The following ARHGAP6 variants were observed in gnomAD, a reference collection of about 807,000 sequenced individuals.
ARHGAP6 encodes Rho GTPase activating protein 6, also known as rho GTPase-activating protein 6.
ARHGAP6 carries 16 observed loss-of-function variants against 55.7 expected under a neutral mutation model. The observed-to-expected ratio is 0.29, with a 90% CI of 0.19 to 0.44. The LOEUF (loss-of-function observed/expected upper bound fraction) is 0.44, where lower values mean the gene tolerates loss of function less well. Ranked by LOEUF, ARHGAP6 falls within the 20% of genes least tolerant of loss-of-function variation. The pLI is 1.00. For missense variants in ARHGAP6, 698 were observed against 808.9 expected (o/e 0.86, Z 1.66); for synonymous variants, 382 against 360.9 (o/e 1.06, Z -0.66).
intron 7 of ARHGAP6, 36 bp downstream of exon 7, chrX:11,179,266 C>A: frequency 2.6e-6 from 3 of 1,148,040 alleles, no homozygotes; most frequent in Non-Finnish European, 3.5e-6. Context: ...CTTAGTATTC[C>A]AGGGCCACTT....
intron 1 of ARHGAP6, among the ~76,000 whole-genome samples, chrX:11,588,336 C>A (rs758180990): frequency 8.9e-6 from 1 of 112,287 alleles, no homozygotes; most frequent in Non-Finnish European, 1.9e-5. Flanking sequence ...GAGGGTGTGG[C>A]AGCTTTGCAA....
chrX:11,314,707 T>G (rs2048336908), intron 1 of ARHGAP6, among the ~76,000 whole-genome samples: 1 of 111,848 alleles, frequency 8.9e-6, no homozygotes, highest in African/African-American at 3.3e-5. Flanking sequence ...ATACTGCATG[T>G]TCTCACTTAT....
chrX:11,591,734 T>C (rs2051837570), intron 1 of ARHGAP6, among the ~76,000 whole-genome samples: 2 of 112,050 alleles, frequency 1.8e-5, no homozygotes, highest in Non-Finnish European at 3.8e-5. Flanking sequence ...ATGGACATGA[T>C]GGGTCTTCTT....
intron 1 of ARHGAP6, among the ~76,000 whole-genome samples, chrX:11,555,680 G>C (rs2051313657): frequency 1.8e-5 from 2 of 111,017 alleles, no homozygotes; most frequent in African/African-American, 6.6e-5. Flanking sequence ...CTGGGAGGTG[G>C]AGGTTGCAGT....
chrX:11,348,752 C>T (rs759664090), intron 1 of ARHGAP6, among the ~76,000 whole-genome samples: 2 of 111,298 alleles, frequency 1.8e-5, no homozygotes, highest in Non-Finnish European at 3.8e-5. Context: ...TAGGCTTAAG[C>T]GATTCTCCCG....
chrX:11,188,882 G>A lies in ARHGAP6; in HGVS notation c.923C>T (p.Ala308Val), dbSNP rs755574002. 3 of 1,211,426 alleles carry A rather than the reference G, an allele frequency of 2.5e-6. No individual in the cohort carries two copies. Among genetic ancestry groups the A allele is most frequent in the Non-Finnish European group, 3.4e-6 (3 of 895,487 alleles). ...GAGGAGGGAAGCCACAAAGTCAGAT[G>A]CATCTTTCTGCTCGTCCCTCTGCAA... Reference protein sequence around the residue: ...QDLQRDEQKDASDFVASLLPF... With the variant: ...QDLQRDEQKDVSDFVASLLPF... The change falls in exon 4 of 13, where the codon GCA becomes GTA. Residue 308 changes from alanine to valine, a missense_variant. Ala to Val is a moderately conservative substitution (Grantham distance 64). Coordinates refer to ENST00000337414, the MANE Select transcript of ARHGAP6 (RefSeq NM_013427.3).
chrX:11,179,247 G>A, intron 7 of ARHGAP6, 55 bp downstream of exon 7: 1 of 1,077,441 alleles, frequency 9.3e-7, no homozygotes, highest in Non-Finnish European at 1.2e-6. Context: ...TGATGAATGA[G>A]TTGGACATCT....
chrX:11,331,843 G>C (rs761332580), intron 1 of ARHGAP6, among the ~76,000 whole-genome samples: 2 of 111,775 alleles, frequency 1.8e-5, no homozygotes, highest in Non-Finnish European at 3.8e-5. Context: ...TGTTGTCATG[G>C]GTAAGATAAC....
chrX:11,292,039 T>C (rs1455010262), intron 1 of ARHGAP6, among the ~76,000 whole-genome samples: 1 of 112,176 alleles, frequency 8.9e-6, no homozygotes, highest in Non-Finnish European at 1.9e-5. Context: ...GTCACTCATC[T>C]ACTTTTCACA....
In ARHGAP6 at chrX:11,139,004, G is replaced by A. The variant is rs1469592263; in HGVS notation, c.2784C>T (p.Ser928=). 1.7e-5 allele frequency: 20 copies of A among 1,206,727 alleles called. No individual in the cohort carries two copies. The highest frequency in any genetic ancestry group is 2.5e-4 in the Middle Eastern group (1 of 4,042). ...EQQVTQKKLS[S]ANSLPAGEQD... ...GCTCGCCCGCTGGCAGGGAGTTGGC[G>A]CTGCTCAGTTTTTTCTGCGTGACCT... The change falls in exon 13 of 13, where the codon AGC becomes AGT. Residue 928 remains serine, a synonymous_variant. Transcript: ENST00000337414.
chrX:11,463,414 C>T (rs1237474068), intron 1 of ARHGAP6, among the ~76,000 whole-genome samples: 1 of 112,070 alleles, frequency 8.9e-6, no homozygotes, highest in Non-Finnish European at 1.9e-5. Flanking sequence ...TCATGGCTCA[C>T]TGTAGCCTCA....
intron 1 of ARHGAP6, among the ~76,000 whole-genome samples, chrX:11,558,768 G>A (rs1013667706): frequency 2.7e-4 from 26 of 96,697 alleles, no homozygotes; most frequent in Non-Finnish European, 3.4e-4. Context: ...TCCGGGAGGC[G>A]GAGTTCGCAG....
chrX:11,464,925 G>A (rs2050278669), intron 1 of ARHGAP6, among the ~76,000 whole-genome samples: 1 of 111,860 alleles, frequency 8.9e-6, no homozygotes, highest in African/African-American at 3.2e-5. Flanking sequence ...AGTCAGAACC[G>A]GCTTCCAAGC....
At chrX:11,660,947 CT>C (rs761606138) in intron 1 of ARHGAP6, among the ~76,000 whole-genome samples, 5 of 111,761 alleles carry the variant, frequency 4.5e-5, no homozygotes, top group East Asian at 5.6e-4. Flanking sequence ...TGTATTCCCC[CT>C]ATCAGTTAAC....
At chrX:11,390,641 A>C (rs2049391635) in intron 1 of ARHGAP6, among the ~76,000 whole-genome samples, 1 of 111,941 alleles carries the variant, frequency 8.9e-6, no homozygotes, top group Admixed American at 9.4e-5. Flanking sequence ...ACCCCATCAA[A>C]AAGTGGGCAA....
At chrX:11,567,372 G>C (rs1278413270) in intron 1 of ARHGAP6, among the ~76,000 whole-genome samples, 1 of 108,609 alleles carries the variant, frequency 9.2e-6, no homozygotes, top group Admixed American at 9.8e-5. Flanking sequence ...ATATGCCTCA[G>C]AAACCCCGTC....
At chrX:11,419,891 C>A (rs1001671731) in intron 1 of ARHGAP6, among the ~76,000 whole-genome samples, 6 of 112,866 alleles carry the variant, frequency 5.3e-5, no homozygotes, top group African/African-American at 1.9e-4. Context: ...ACTCCAAATT[C>A]TTCTAAAATT....
chrX:11,254,689 T>C lies in ARHGAP6; in HGVS notation c.607A>G (p.Ser203Gly), dbSNP rs1282095667. Residue 203 changes from serine (S) to glycine (G), a missense_variant, in exon 2 of 13, where the codon AGC becomes GGC. Transcript: ENST00000337414. ...AGCCGTACACTGCGGCCTGACATGC[T>C]GTTCCAGGTGAAATCACCCTGTAGG... ...WKSEGDFTWN[S>G]MSGRSVRLRS... The C allele has an allele frequency of 2.4e-5, 28 of 1,169,247 alleles. No homozygotes were observed. The highest frequency in any genetic ancestry group is 3.0e-5 in the Non-Finnish European group (26 of 877,612).
intron 2 of ARHGAP6, among the ~76,000 whole-genome samples, chrX:11,235,486 G>T (rs929230864): frequency 8.9e-6 from 1 of 111,847 alleles, no homozygotes; most frequent in African/African-American, 3.3e-5. Context: ...CCATTGTCTT[G>T]GTGGTTAGCA....
Sources: allele counts gnomAD v4.1 joint callset (sites outside exome capture counted in the v4.1 genomes callset), GRCh38; gene constraint gnomAD v4.1.1; transcripts MANE v1.5; gene names NCBI Gene and HGNC (gene_info 2026-07-23, HGNC 2026-07-21).